CRPPA: variants seen among roughly 807,000 people sequenced by gnomAD.
CRPPA encodes D-ribitol-5-phosphate cytidylyltransferase.
Under a neutral mutation model 52.0 loss-of-function variants are expected in CRPPA, and 43 were observed. The observed-to-expected ratio is 0.83, with a 90% confidence interval of 0.65 to 1.07. The LOEUF (loss-of-function observed/expected upper bound fraction) is 1.07, where lower values mean the gene tolerates loss of function less well. Ranked by LOEUF, CRPPA falls within the 50% of genes least tolerant of loss-of-function variation. CRPPA has a pLI of 0.00. For missense variants in CRPPA, 629 were observed against 551.7 expected, an observed-to-expected ratio of 1.14 and a Z score of -1.40; for synonymous variants, 250 against 203.5, an observed-to-expected ratio of 1.23 and a Z score of -1.94.
rs762242945 is a variant in CRPPA, at chr7:16,161,262, G to A, written c.1251+54804C>T. On this transcript the variant is annotated intron_variant, in intron 9 of 9. Coordinates refer to ENST00000407010, the MANE Select transcript of CRPPA (RefSeq NM_001101426.4). ...AGAGAGGGTATCCTTGTCTTCTGCC[G>A]GTTTTCAAAAGGAATGCTTCCAGCT... Among the ~76,000 whole-genome samples the A allele has an allele frequency of 3.1e-4, 47 of 152,016 alleles. 1 individual carries two copies. The highest frequency in any genetic ancestry group is 2.4e-3 in the Admixed American group (37 of 15,258).
intron 2 of CRPPA, among the ~76,000 whole-genome samples, chr7:16,401,142 A>G (rs1304299391): frequency 1.3e-5 from 2 of 152,120 alleles, no homozygotes; most frequent in African/African-American, 4.8e-5. Flanking sequence ...ACATTACTTC[A>G]TCTTTCTGGT....
chr7:16,216,843 A>G (rs1160682073), intron 8 of CRPPA, among the ~76,000 whole-genome samples: 1 of 152,142 alleles, frequency 6.6e-6, no homozygotes, highest in Non-Finnish European at 1.5e-5. Context: ...TCAAACTGCA[A>G]GGCGGCAGCG....
chr7:16,214,406 C>G (rs1782246137), intron 9 of CRPPA, among the ~76,000 whole-genome samples: 1 of 152,170 alleles, frequency 6.6e-6, no homozygotes, highest in Admixed American at 6.5e-5. Context: ...TCTAACTGCA[C>G]TATGTGACAA....
chr7:16,197,330 T>A (rs1781761517), intron 9 of CRPPA, among the ~76,000 whole-genome samples: 1 of 152,142 alleles, frequency 6.6e-6, no homozygotes, highest in African/African-American at 2.4e-5. Flanking sequence ...CTGAAAAGAA[T>A]CAGTAAATTT....
intron 6 of CRPPA, among the ~76,000 whole-genome samples, chr7:16,266,702 C>T (rs113338957): frequency 2.6e-5 from 4 of 152,034 alleles, no homozygotes; most frequent in Non-Finnish European, 4.4e-5. Context: ...TGGTCTCGAA[C>T]CTCTGACCTT....
chr7:16,288,006 A>G (rs13239301), intron 5 of CRPPA, among the ~76,000 whole-genome samples: 3,087 of 152,260 alleles, frequency 0.02, 46 homozygotes, highest in Non-Finnish European at 0.033. Context: ...AAGACTATGT[A>G]TAGACAAAGG....
chr7:16,211,951 A>G (rs931004087), intron 9 of CRPPA, among the ~76,000 whole-genome samples: 1 of 152,206 alleles, frequency 6.6e-6, no homozygotes, highest in African/African-American at 2.4e-5. Context: ...ACCAATACAT[A>G]CAGCTTTATA....
chr7:16,376,155 T>A lies in CRPPA; in HGVS notation c.621A>T (p.Arg207Ser). ...CTTGGGGCATTTCACTTGCTCTGTG[T>A]CTGGCACGTTCTAGCGAGTAGTCTA... is the stretch of plus-strand genomic sequence containing the variant. The part of the protein sequence containing the change: ...GCLDYSLERA[R>S]HRASEMPQAF... The change falls in exon 3 of 10, where the codon AGA (arginine) becomes AGT (serine). Residue 207 changes from arginine to serine, a missense_variant. Arg to Ser is a moderately radical substitution (Grantham distance 110, BLOSUM62 -1). Coordinates refer to ENST00000407010, the MANE Select transcript of CRPPA (RefSeq NM_001101426.4). The A allele has an allele frequency of 1.2e-6, 2 of 1,613,266 alleles. No homozygotes were observed. The highest frequency in any genetic ancestry group is 1.7e-6 in the Non-Finnish European group (2 of 1,179,592).
intron 2 of CRPPA, among the ~76,000 whole-genome samples, chr7:16,397,136 G>C (rs1192124756): frequency 6.6e-6 from 1 of 152,266 alleles, no homozygotes; most frequent in African/African-American, 2.4e-5. Flanking sequence ...ACAAGTTAGA[G>C]ATGCGTGTCT....
chr7:16,385,383 A>G (rs1015489920), intron 2 of CRPPA, among the ~76,000 whole-genome samples: 3 of 152,234 alleles, frequency 2.0e-5, no homozygotes, highest in Admixed American at 2.0e-4. Flanking sequence ...ACCAAAGTCA[A>G]GGAAGAAAAT....
chr7:16,398,514 T>G (rs1787683671), intron 2 of CRPPA, among the ~76,000 whole-genome samples: 1 of 152,098 alleles, frequency 6.6e-6, no homozygotes, highest in South Asian at 2.1e-4. Context: ...GTGATTGGCA[T>G]AGGTCCAAAA....
At chr7:16,187,500 T>C (rs571920864) in intron 9 of CRPPA, among the ~76,000 whole-genome samples, 17 of 152,218 alleles carry the variant, frequency 1.1e-4, no homozygotes, top group Non-Finnish European at 2.5e-4. Context: ...CAAGTCTAAC[T>C]TTTGCTTGTC....
At chr7:16,303,200 T>C (rs1163809383) in intron 4 of CRPPA, among the ~76,000 whole-genome samples, 1 of 152,174 alleles carries the variant, frequency 6.6e-6, no homozygotes, top group Non-Finnish European at 1.5e-5. Flanking sequence ...TTATCTGTGT[T>C]ATCAAGTTAG....
intron 6 of CRPPA, among the ~76,000 whole-genome samples, chr7:16,268,556 A>G (rs1227493618): frequency 6.6e-6 from 1 of 152,190 alleles, no homozygotes; most frequent in Non-Finnish European, 1.5e-5. Context: ...AGCCTGTTGA[A>G]TATACATTGT....
intron 8 of CRPPA, among the ~76,000 whole-genome samples, chr7:16,241,946 C>CT (rs71549979): frequency 0.065 from 3,618 of 55,562 alleles, 376 homozygotes; most frequent in African/African-American, 0.16. Flanking sequence ...AAAATCTATT[C>CT]TTTTTTTTTT....
intron 3 of CRPPA, among the ~76,000 whole-genome samples, chr7:16,329,951 A>C (rs1785509586): frequency 6.6e-6 from 1 of 152,322 alleles, no homozygotes; most frequent in African/African-American, 2.4e-5. Flanking sequence ...CATTTTCAAT[A>C]ATCTTTCCTA....
chr7:16,205,219 A>G (rs376449518), intron 9 of CRPPA, among the ~76,000 whole-genome samples: 3 of 152,284 alleles, frequency 2.0e-5, no homozygotes, highest in African/African-American at 7.2e-5. Context: ...AACTCTAAAT[A>G]ACAAAAGGCA....
chr7:16,093,884 T>G (rs191321236), intron 9 of CRPPA, among the ~76,000 whole-genome samples: 49 of 152,286 alleles, frequency 3.2e-4, no homozygotes, highest in Non-Finnish European at 5.4e-4. Context: ...TTTATTAAAT[T>G]GAGACATAAC....
chr7:16,308,057 G>T (rs1005211763), intron 4 of CRPPA, among the ~76,000 whole-genome samples: 6 of 152,082 alleles, frequency 3.9e-5, no homozygotes, highest in African/African-American at 1.4e-4. Flanking sequence ...CCGCCTTGGA[G>T]CTGTTCTCCA....
Sources: gnomAD v4.1 joint callset for allele counts (sites outside exome capture counted in the v4.1 genomes callset) on GRCh38, gnomAD v4.1.1 for gene constraint, MANE v1.5 for transcripts, NCBI Gene and HGNC (gene_info 2026-07-23, HGNC 2026-07-21) for gene names.